Variants in OCA2 observed in about 807,000 individuals in gnomAD.
The protein encoded by OCA2 is P protein.
A neutral mutation model predicts 100.2 loss-of-function variants in OCA2; 77 were observed. The observed-to-expected ratio is 0.77, with a 90% CI of 0.64 to 0.93. The LOEUF is 0.93. Ranked by LOEUF, OCA2 falls within the 40% of genes least tolerant of loss-of-function variation. The probability of loss-of-function intolerance (pLI) is 0.00; values close to 1 mark genes in which losing one functional copy is unlikely to be tolerated. For missense variants in OCA2, 1,062 were observed against 1,089.1 expected (o/e 0.98, Z 0.35); for synonymous variants, 432 against 439.2 (o/e 0.98, Z 0.21).
chr15:27,869,461 A>G (rs973562575), intron 21 of OCA2, among the ~76,000 whole-genome samples: 1 of 152,252 alleles, frequency 6.6e-6, no homozygotes, highest in Non-Finnish European at 1.5e-5. Flanking sequence ...GAACATATGG[A>G]TATTTGTTGT....
intron 2 of OCA2, among the ~76,000 whole-genome samples, chr15:28,056,742 C>G (rs1331483518): frequency 6.6e-6 from 1 of 152,260 alleles, no homozygotes; most frequent in African/African-American, 2.4e-5. Context: ...GGGCTCATCA[C>G]GCGCTCCTAT....
chr15:27,867,265 C>T (rs186846705), intron 21 of OCA2, among the ~76,000 whole-genome samples: 5 of 151,734 alleles, frequency 3.3e-5, no homozygotes, highest in South Asian at 2.1e-4. Context: ...TTGATGGATG[C>T]GGAGGTATGA....
At chr15:27,849,923 C>A (rs2035684832) in intron 22 of OCA2, among the ~76,000 whole-genome samples, 1 of 152,130 alleles carries the variant, frequency 6.6e-6, no homozygotes, top group Non-Finnish European at 1.5e-5. Flanking sequence ...CAACTGCACT[C>A]CTGCCGTGCC....
intron 23 of OCA2, among the ~76,000 whole-genome samples, chr15:27,771,271 C>T (rs1053617203): frequency 1.3e-5 from 2 of 151,908 alleles, no homozygotes; most frequent in Admixed American, 6.6e-5. Flanking sequence ...CTCTCCACCG[C>T]GGTCCCGCCA....
At chr15:27,966,613 A>C (rs923118063) in intron 15 of OCA2, 77 bp downstream of exon 15, 39 of 1,555,698 alleles carry the variant, frequency 2.5e-5, no homozygotes, top group Non-Finnish European at 3.2e-5. Context: ...ATACTTCCTA[A>C]TAAGAACTTC....
chr15:27,878,802 T>C (rs1221133436), intron 19 of OCA2, among the ~76,000 whole-genome samples: 2 of 152,288 alleles, frequency 1.3e-5, no homozygotes, highest in East Asian at 3.9e-4. Context: ...CTTAATCTCT[T>C]GCTCCTCTGA....
intron 23 of OCA2, among the ~76,000 whole-genome samples, chr15:27,759,066 A>G (rs144711912): frequency 1.1e-3 from 162 of 152,330 alleles, no homozygotes; most frequent in African/African-American, 3.5e-3. Flanking sequence ...TCTTGAAAGC[A>G]GTCAGAGATA....
Position 28,013,273 on chromosome 15 carries a change from T to C in OCA2, c.1044+1503A>G, listed in dbSNP as rs561799371. 1.2e-4 allele frequency among the ~76,000 whole-genome samples: 19 copies of C among 152,234 alleles called. 1 individual carries two copies. The South Asian group carries it at 3.1e-3, about 25-fold the overall frequency. ...AGGAACCCAGCACTGAATCAGGGTA[T>C]AGAATATTCTACAGAACAACAGAAT... On this transcript the variant is annotated intron_variant, in intron 9 of 23. Transcript: ENST00000354638.
At chr15:28,082,183 T>C (rs977196348) in intron 1 of OCA2, among the ~76,000 whole-genome samples, 3 of 152,088 alleles carry the variant, frequency 2.0e-5, no homozygotes, top group African/African-American at 7.2e-5. Context: ...CAGCAATCTA[T>C]AAAATGGACC....
At chr15:27,852,804 CA>C (rs201512594) in intron 21 of OCA2, among the ~76,000 whole-genome samples, 30,952 of 130,564 alleles carry the variant, frequency 0.24, 2,889 homozygotes, top group East Asian at 0.49. Flanking sequence ...TTTATGCAGC[CA>C]AAAAACACAT....
intron 21 of OCA2, among the ~76,000 whole-genome samples, chr15:27,863,635 G>A (rs1185089659): frequency 6.6e-6 from 1 of 152,100 alleles, no homozygotes; most frequent in Non-Finnish European, 1.5e-5. Flanking sequence ...TCCCCATTCT[G>A]GAACTGCTGT....
chr15:27,913,934 A>G (rs1467691348), intron 19 of OCA2, among the ~76,000 whole-genome samples: 1 of 147,538 alleles, frequency 6.8e-6, no homozygotes, highest in African/African-American at 2.5e-5. Flanking sequence ...CAAGCAAGAA[A>G]GAAAGAAAAA....
At chr15:27,745,746 A>G in the OCA2 span, among the ~76,000 whole-genome samples, 1 of 152,206 alleles carries the variant, frequency 6.6e-6, no homozygotes, top group Non-Finnish European at 1.5e-5. Context: ...AATAGGAAAC[A>G]TTTGCCATCT....
intron 23 of OCA2, among the ~76,000 whole-genome samples, chr15:27,762,728 TA>T (rs1452941527): frequency 6.6e-6 from 1 of 152,212 alleles, no homozygotes; most frequent in African/African-American, 2.4e-5. Flanking sequence ...GTTCCTGCAC[TA>T]AATCTCCCTT....
At chr15:27,736,021 C>T in the OCA2 span, among the ~76,000 whole-genome samples, 1 of 152,132 alleles carries the variant, frequency 6.6e-6, no homozygotes. Context: ...TAAGGTAATA[C>T]ATATGGTAAT....
chr15:27,947,639 A>G (rs1214266164), intron 18 of OCA2, among the ~76,000 whole-genome samples: 1 of 152,158 alleles, frequency 6.6e-6, no homozygotes, highest in African/African-American at 2.4e-5. Flanking sequence ...AGCTGGACAC[A>G]TGCACTCTGG....
intron 21 of OCA2, among the ~76,000 whole-genome samples, chr15:27,864,147 G>T (rs1218120879): frequency 2.0e-5 from 3 of 152,060 alleles, no homozygotes; most frequent in Admixed American, 1.3e-4. Flanking sequence ...AACCCACACA[G>T]CCCATCAGTA....
chr15:27,812,636 C>T (rs956211208), intron 23 of OCA2, among the ~76,000 whole-genome samples: 1 of 152,144 alleles, frequency 6.6e-6, no homozygotes, highest in African/African-American at 2.4e-5. Context: ...ATTCCAAGTT[C>T]AGAATATAAA....
chr15:27,882,961 C>T (rs1225944478), intron 19 of OCA2, among the ~76,000 whole-genome samples: 1 of 152,212 alleles, frequency 6.6e-6, no homozygotes, highest in Non-Finnish European at 1.5e-5. Flanking sequence ...CTCAGCCAGT[C>T]ATCAGTCAGT....
Sources: gnomAD v4.1 joint callset for allele counts (sites outside exome capture counted in the v4.1 genomes callset) on GRCh38, gnomAD v4.1.1 for gene constraint, MANE v1.5 for transcripts, NCBI Gene and HGNC (gene_info 2026-07-23, HGNC 2026-07-21) for gene names.